The following CLNK variants were observed in gnomAD, a reference collection of about 807,000 sequenced individuals.
CLNK encodes cytokine-dependent hematopoietic cell linker.
CLNK carries 74 observed loss-of-function variants against 68.6 expected under a neutral mutation model. That is an observed-to-expected ratio of 1.08 (90% confidence interval 0.89 to 1.31). The LOEUF (loss-of-function observed/expected upper bound fraction) is 1.31, where lower values mean the gene tolerates loss of function less well. Ranked by LOEUF, CLNK falls within the 50% of genes most tolerant of loss-of-function variation. The pLI is 0.00. For missense variants in CLNK, 553 were observed against 515.3 expected, an observed-to-expected ratio of 1.07 and a Z score of -0.71; for synonymous variants, 198 against 172.2, an observed-to-expected ratio of 1.15 and a Z score of -1.17.
rs1725008483 is a variant in CLNK at position 10,679,490 on chromosome 4, G to A, written c.-43+5178C>T. Among the ~76,000 whole-genome samples the A allele has an allele frequency of 3.3e-5, 5 of 152,150 alleles. No homozygotes were observed. The South Asian group carries it at 1.0e-3, about 32-fold the overall frequency. On this transcript the variant is annotated intron_variant, in intron 1 of 18. Transcript: ENST00000226951. ...TCATGTCTAAAACATCAAAAGCATG[G>A]CAACAAAAGCCAAAATTGACAAATG...
intron 3 of CLNK, among the ~76,000 whole-genome samples, chr4:10,596,511 T>C (rs1413582054): frequency 6.6e-6 from 1 of 152,224 alleles, no homozygotes; most frequent in African/African-American, 2.4e-5. Flanking sequence ...TAATTATAAT[T>C]TTTACAGGAG....
At chr4:10,689,728 T>C (rs1322307023), upstream of CLNK, among the ~76,000 whole-genome samples, 3 of 131,746 alleles carry the variant, frequency 2.3e-5, no homozygotes, top group Non-Finnish European at 3.3e-5. Context: ...TCTCCTGCAA[T>C]GGATCAAAAC....
At chr4:10,644,268 TA>T (rs1447747166) in intron 2 of CLNK, among the ~76,000 whole-genome samples, 2 of 152,240 alleles carry the variant, frequency 1.3e-5, no homozygotes, top group African/African-American at 4.8e-5. Context: ...TTGTCTTGGT[TA>T]TTGCTATAGT....
intron 17 of CLNK, among the ~76,000 whole-genome samples, chr4:10,507,520 G>A (rs1167815156): frequency 6.6e-6 from 1 of 151,686 alleles, no homozygotes; most frequent in Non-Finnish European, 1.5e-5. Flanking sequence ...CTGGAGTGCA[G>A]TGGCACAGTC....
intron 16 of CLNK, among the ~76,000 whole-genome samples, chr4:10,511,681 C>G (rs1717589558): frequency 6.6e-6 from 1 of 152,150 alleles, no homozygotes; most frequent in Non-Finnish European, 1.5e-5. Flanking sequence ...TATATTGTAT[C>G]ACGTTAGAAT....
intron 1 of CLNK, among the ~76,000 whole-genome samples, chr4:10,675,291 G>T (rs546201618): frequency 6.6e-6 from 1 of 152,314 alleles, no homozygotes; most frequent in Non-Finnish European, 1.5e-5. Context: ...CTAAAACCAG[G>T]ATGCCTGCTT....
At chr4:10,609,629 G>T (rs949354648) in intron 2 of CLNK, among the ~76,000 whole-genome samples, 2 of 152,228 alleles carry the variant, frequency 1.3e-5, no homozygotes, top group Non-Finnish European at 2.9e-5. Flanking sequence ...AGGCAGGAAT[G>T]CCTCAAGGGA....
intron 17 of CLNK, among the ~76,000 whole-genome samples, chr4:10,502,616 C>T (rs1717102192): frequency 2.0e-5 from 3 of 151,618 alleles, no homozygotes; most frequent in Non-Finnish European, 4.4e-5. Flanking sequence ...ATAGTGGGAG[C>T]CACAGCAGGC....
At chr4:10,510,856 G>C (rs1267341887) in intron 16 of CLNK, among the ~76,000 whole-genome samples, 2 of 152,166 alleles carry the variant, frequency 1.3e-5, no homozygotes, top group Non-Finnish European at 2.9e-5. Flanking sequence ...ACTTCAAGCT[G>C]TCCCACCTTT....
At chr4:10,635,894 G>A (rs970897605) in intron 2 of CLNK, 2 of 152,230 alleles carry the variant, frequency 1.3e-5, no homozygotes, top group Admixed American at 6.5e-5. Context: ...CAGGCATCGT[G>A]AAGAATGCTG....
intron 4 of CLNK, among the ~76,000 whole-genome samples, chr4:10,576,138 A>G (rs899386846): frequency 6.6e-6 from 1 of 152,310 alleles, no homozygotes; most frequent in Middle Eastern, 3.4e-3. Flanking sequence ...AGAACCGGGA[A>G]GCAGCGATAG....
intron 2 of CLNK, among the ~76,000 whole-genome samples, chr4:10,646,658 T>C (rs542975611): frequency 6.6e-6 from 1 of 151,064 alleles, no homozygotes; most frequent in Admixed American, 6.6e-5. Flanking sequence ...GCAATCAAGA[T>C]AGAGAAGGGC....
At chr4:10,563,457 C>T (rs1053890329) in intron 7 of CLNK, among the ~76,000 whole-genome samples, 91 of 152,210 alleles carry the variant, frequency 6.0e-4, no homozygotes, top group African/African-American at 1.9e-3. Flanking sequence ...TTGAAAATCC[C>T]ATAGTGGGTT....
intron 2 of CLNK, among the ~76,000 whole-genome samples, chr4:10,652,095 T>G (rs547230427): frequency 1.3e-5 from 2 of 151,994 alleles, no homozygotes; most frequent in Non-Finnish European, 2.9e-5. Context: ...TAAAAGACAT[T>G]TGAGGCCAGG....
At chr4:10,532,168 A>G in intron 12 of CLNK, 88 bp downstream of exon 12, 1 of 932,116 alleles carries the variant, frequency 1.1e-6, no homozygotes, top group Non-Finnish European at 1.7e-6. Context: ...AAGTGTAAGT[A>G]TCTGAAGCAA....
the CLNK span, among the ~76,000 whole-genome samples, chr4:10,710,176 T>C: frequency 6.6e-6 from 1 of 152,318 alleles, no homozygotes; most frequent in East Asian, 1.9e-4. Context: ...TTGCCCTCTC[T>C]GTGGGGATCC....
At chr4:10,567,682 G>A (rs1403711125) in intron 5 of CLNK, among the ~76,000 whole-genome samples, 1 of 152,180 alleles carries the variant, frequency 6.6e-6, no homozygotes, top group Non-Finnish European at 1.5e-5. Context: ...ATCTGATAAG[G>A]AGCTTAAATC....
intron 2 of CLNK, among the ~76,000 whole-genome samples, chr4:10,661,565 G>C (rs928323285): frequency 1.3e-5 from 2 of 152,200 alleles, no homozygotes; most frequent in Non-Finnish European, 2.9e-5. Flanking sequence ...CCATCAGAAA[G>C]TATGACATAG....
At chr4:10,700,916 A>T in the CLNK span, among the ~76,000 whole-genome samples, 1 of 152,210 alleles carries the variant, frequency 6.6e-6, no homozygotes, top group African/African-American at 2.4e-5. Flanking sequence ...GATGTTTTGT[A>T]TTCAAAAATA....
Sources: allele counts gnomAD v4.1 joint callset (sites outside exome capture counted in the v4.1 genomes callset), GRCh38; gene constraint gnomAD v4.1.1; transcripts MANE v1.5; gene names NCBI Gene and HGNC (gene_info 2026-07-23, HGNC 2026-07-21).